Variants in EIF4G3 observed in about 807,000 individuals in gnomAD.
EIF4G3 encodes the protein eukaryotic translation initiation factor 4 gamma 3.
EIF4G3 carries 34 observed loss-of-function variants against 186.4 expected under a neutral mutation model. That is an observed-to-expected ratio of 0.18 (90% CI 0.14 to 0.24). The LOEUF is 0.24. EIF4G3 is among the 10% of genes least tolerant of loss of function. EIF4G3 has a pLI of 1.00. For missense variants in EIF4G3, 1,536 were observed against 1,948.5 expected (o/e 0.79, Z 3.99); for synonymous variants, 673 against 679.5 (o/e 0.99, Z 0.15).
At chr1:21,008,765 T>C (rs148598953) in intron 4 of EIF4G3, among the ~76,000 whole-genome samples, 2 of 152,334 alleles carry the variant, frequency 1.3e-5, no homozygotes, top group East Asian at 3.9e-4. Context: ...TTTAATGACA[T>C]GGAATGAGTA....
intron 20 of EIF4G3, among the ~76,000 whole-genome samples, chr1:20,876,536 G>C (rs1250403217): frequency 6.7e-6 from 1 of 150,056 alleles, no homozygotes; most frequent in Non-Finnish European, 1.5e-5. Flanking sequence ...ATATTTTCAT[G>C]TGATTTTATA....
At chr1:21,068,597 C>T (rs898055875) in intron 3 of EIF4G3, among the ~76,000 whole-genome samples, 3 of 152,068 alleles carry the variant, frequency 2.0e-5, no homozygotes, top group Non-Finnish European at 2.9e-5. Flanking sequence ...AAGTTCAAAT[C>T]CAACCTCTAC....
At chr1:20,876,790 GT>G (rs958224125) in intron 20 of EIF4G3, among the ~76,000 whole-genome samples, 1 of 152,136 alleles carries the variant, frequency 6.6e-6, no homozygotes, top group African/African-American at 2.4e-5. Context: ...GAGCCTAGGA[GT>G]TTTTGAGACC....
At chr1:20,908,500 C>T (rs1360562739) in intron 14 of EIF4G3, among the ~76,000 whole-genome samples, 2 of 152,092 alleles carry the variant, frequency 1.3e-5, no homozygotes, top group Non-Finnish European at 2.9e-5. Flanking sequence ...TGGAGGGAAA[C>T]AATTTTTGAT....
intron 3 of EIF4G3, among the ~76,000 whole-genome samples, chr1:21,069,669 C>G (rs1278537715): frequency 6.6e-6 from 1 of 152,110 alleles, no homozygotes; most frequent in Non-Finnish European, 1.5e-5. Flanking sequence ...TAACTTCAAA[C>G]ACATTTTAGG....
intron 2 of EIF4G3, among the ~76,000 whole-genome samples, chr1:21,115,758 C>T (rs2096807824): frequency 6.6e-6 from 1 of 152,064 alleles, no homozygotes; most frequent in South Asian, 2.1e-4. Context: ...CACTTTGTTG[C>T]CCAGGCAGGA....
chr1:21,043,311 A>T (rs767137191), intron 4 of EIF4G3, among the ~76,000 whole-genome samples: 13 of 152,226 alleles, frequency 8.5e-5, no homozygotes, highest in Admixed American at 2.0e-4. Flanking sequence ...TGGTTCTTAC[A>T]AAATTCTTTA....
chr1:21,131,527 A>C (rs1425173721), intron 2 of EIF4G3, among the ~76,000 whole-genome samples: 1 of 152,102 alleles, frequency 6.6e-6, no homozygotes, highest in Non-Finnish European at 1.5e-5. Context: ...ATATAAAACA[A>C]ACCAACAAAC....
At chr1:21,120,361 C>A (rs1450631957) in intron 2 of EIF4G3, among the ~76,000 whole-genome samples, 3 of 151,750 alleles carry the variant, frequency 2.0e-5, no homozygotes, top group Middle Eastern at 3.4e-3. Context: ...TGTAAAAAAA[C>A]CAACTAATAA....
At chr1:21,014,519 G>A (rs1274309691) in intron 4 of EIF4G3, among the ~76,000 whole-genome samples, 2 of 151,956 alleles carry the variant, frequency 1.3e-5, no homozygotes, top group African/African-American at 4.8e-5. Context: ...TCCTTTCTTT[G>A]CATCCATGTG....
At chr1:20,857,601 G>A in intron 24 of EIF4G3, 104 bp from the exon 25 acceptor site, 1 of 968,450 alleles carries the variant, frequency 1.0e-6, no homozygotes, top group Non-Finnish European at 1.7e-6. Context: ...GACAACAGAA[G>A]ATGTTAAAGC....
rs2088863990 is a variant in EIF4G3 at position 20,897,885 on chromosome 1, T to C, written c.1999+1812A>G. 2.6e-5 allele frequency among the ~76,000 whole-genome samples: 4 copies of C among 151,462 alleles called. No homozygotes were observed. In the South Asian group the frequency reaches 6.3e-4, roughly 24 times the overall value. On this transcript the variant is annotated intron_variant, in intron 16 of 36. Transcript: ENST00000602326. ...GGATGAAAAGAATTAAAATATAATA[T>C]AAAATATAAGTAACATAAATTATGC...
intron 11 of EIF4G3, among the ~76,000 whole-genome samples, chr1:20,972,064 C>T (rs1182391767): frequency 2.0e-5 from 3 of 152,078 alleles, no homozygotes; most frequent in South Asian, 4.1e-4. Flanking sequence ...TGTTCTGTTG[C>T]GTAAGGAATT....
intron 33 of EIF4G3, among the ~76,000 whole-genome samples, chr1:20,822,320 A>G (rs1463759379): frequency 1.4e-5 from 2 of 140,754 alleles, no homozygotes; most frequent in African/African-American, 2.6e-5. Context: ...CAATCTGGCT[A>G]GAGGTTTATC....
At position 20,918,096 on chromosome 1, in the gene EIF4G3, T is replaced by C. The variant is rs1347298132; in HGVS notation, c.1664-13125A>G. On this transcript the variant is annotated intron_variant, in intron 14 of 36. Transcript: ENST00000602326. ...CTTAAACAAAGGTAATATTCCTCTC[T>C]CCCAACTAGCCATTTCTACTTGCCT... is the stretch of plus-strand genomic sequence containing the variant. Among the ~76,000 whole-genome samples the C allele has an allele frequency of 3.9e-5, 6 of 152,164 alleles. No homozygotes were observed. In the South Asian group the frequency reaches 8.3e-4, roughly 21 times the overall value.
intron 2 of EIF4G3, among the ~76,000 whole-genome samples, chr1:21,159,386 G>C (rs901592293): frequency 6.6e-6 from 1 of 151,008 alleles, no homozygotes; most frequent in African/African-American, 2.4e-5. Context: ...ATTGCAGTGA[G>C]CTATGATCAA....
intron 2 of EIF4G3, among the ~76,000 whole-genome samples, chr1:21,148,396 C>T (rs1030900885): frequency 1.3e-5 from 2 of 151,366 alleles, no homozygotes; most frequent in African/African-American, 2.4e-5. Flanking sequence ...AATAGCAAAA[C>T]TGTTAACTTA....
At chr1:20,865,314 TA>T in intron 20 of EIF4G3, 52 bp from the exon 21 acceptor site, 1 of 1,589,986 alleles carries the variant, frequency 6.3e-7, no homozygotes, top group Non-Finnish European at 8.6e-7. Context: ...TTAAAGACAT[TA>T]AAAATATCTG....
rs141454987 is a variant in EIF4G3 at position 20,988,272 on chromosome 1, T to C, written c.178-5864A>G. 1,433 of 170,466 alleles carry C rather than the reference T, an allele frequency of 8.4e-3. 13 individuals carry two copies. Among genetic ancestry groups the C allele is most frequent in the Non-Finnish European group, 0.011 (770 of 68,286 alleles). The allele number at this position is 170,466 out of a possible 1,614,324, so 10.6% of individuals were successfully genotyped here. A position where few individuals can be genotyped will look rare whatever the true frequency, so the allele number is the denominator to read the frequency against. ...ATCCAGAAGATCCAGCCAAGAAAAC[T>C]GATAAAAGTGCCTACACTAAACACA... is the stretch of plus-strand genomic sequence containing the variant. On this transcript the variant is annotated intron_variant, in intron 7 of 36. Transcript: ENST00000602326.
Sources: allele counts gnomAD v4.1 joint callset (sites outside exome capture counted in the v4.1 genomes callset), GRCh38; gene constraint gnomAD v4.1.1; transcripts MANE v1.5; gene names NCBI Gene and HGNC (gene_info 2026-07-23, HGNC 2026-07-21).